FAF1: variants seen among roughly 807,000 people sequenced by gnomAD.
FAF1 encodes FAS-associated factor 1.
A neutral mutation model predicts 92.5 loss-of-function variants in FAF1; 25 were observed. That is an observed-to-expected ratio of 0.27 (90% CI 0.20 to 0.38). The LOEUF is 0.38. Among genes scored for constraint, FAF1 ranks in the 10% least tolerant of loss-of-function variants. The pLI is 1.00. For missense variants in FAF1, 636 were observed against 793.3 expected (o/e 0.80, Z 2.38); for synonymous variants, 234 against 273.2 (o/e 0.86, Z 1.42).
intron 2 of FAF1, among the ~76,000 whole-genome samples, chr1:50,815,283 C>A (rs919729378): frequency 5.3e-5 from 8 of 152,190 alleles, no homozygotes; most frequent in Middle Eastern, 3.4e-3. Context: ...TCTTTATGTC[C>A]CTGAGTACCC....
intron 6 of FAF1, among the ~76,000 whole-genome samples, chr1:50,715,613 G>A (rs893926899): frequency 6.6e-6 from 1 of 151,964 alleles, no homozygotes; most frequent in African/African-American, 2.4e-5. Flanking sequence ...TCTCTTCTTT[G>A]TCCACAAGTC....
rs74080093 is a variant in FAF1, at chr1:50,819,037, G to C, written c.115-17360C>G. Among the ~76,000 whole-genome samples the C allele has an allele frequency of 8.0e-3, 1,222 of 152,198 alleles. 14 individuals are homozygous for C. The highest frequency in any genetic ancestry group is 0.028 in the African/African-American group (1,180 of 41,512). On this transcript the variant is annotated intron_variant, in intron 2 of 18. Coordinates refer to ENST00000396153, the MANE Select transcript of FAF1 (RefSeq NM_007051.3). ...AGGTCAAGGGCAAAATTTTCTACTT[G>C]TGGCATCATGTTGGCATTCAAAAAG... is the stretch of plus-strand genomic sequence containing the variant.
At chr1:50,645,380 C>T (rs1030974897) in intron 8 of FAF1, among the ~76,000 whole-genome samples, 1 of 152,206 alleles carries the variant, frequency 6.6e-6, no homozygotes, top group Non-Finnish European at 1.5e-5. Context: ...TGAATGCCTA[C>T]TAAATGCCAG....
chr1:50,502,191 T>C (rs1572789792), intron 15 of FAF1, among the ~76,000 whole-genome samples: 1 of 152,154 alleles, frequency 6.6e-6, no homozygotes, highest in East Asian at 1.9e-4. Context: ...AGTTCTCTAA[T>C]AAAGACCAAC....
chr1:50,722,215 T>G (rs1346547080), intron 6 of FAF1, among the ~76,000 whole-genome samples: 1 of 152,184 alleles, frequency 6.6e-6, no homozygotes, highest in Non-Finnish European at 1.5e-5. Context: ...AAGCACTGTT[T>G]CTAGTTTACT....
At chr1:50,613,079 C>T (rs1441260104) in intron 8 of FAF1, among the ~76,000 whole-genome samples, 1 of 152,168 alleles carries the variant, frequency 6.6e-6, no homozygotes, top group African/African-American at 2.4e-5. Flanking sequence ...TATATGGGTA[C>T]TTTTCCTACT....
Position 50,951,149 on chromosome 1 carries a change from G to A in FAF1, c.45+8618C>T, listed in dbSNP as rs112445873. Among the ~76,000 whole-genome samples, 456 of 152,326 alleles carry A rather than the reference G, an allele frequency of 3.0e-3. 4 individuals carry two copies. The highest frequency in any genetic ancestry group is 0.01 in the African/African-American group (430 of 41,578). On this transcript the variant is annotated intron_variant, in intron 1 of 18. Coordinates refer to ENST00000396153, the MANE Select transcript of FAF1 (RefSeq NM_007051.3). ...CTCAGGAGGCTAAGGCAGGAGAACT[G>A]CCTGAACCGGGGAGATGGAGGTTGC... is the stretch of plus-strand genomic sequence containing the variant.
At chr1:50,949,882 C>G (rs1231098113) in intron 1 of FAF1, among the ~76,000 whole-genome samples, 1 of 151,624 alleles carries the variant, frequency 6.6e-6, no homozygotes, top group Non-Finnish European at 1.5e-5. Flanking sequence ...TTTTTCGAGA[C>G]AGGGTCTCTC....
At chr1:50,821,821 GGTTTTCA>G (rs1644045560) in intron 2 of FAF1, among the ~76,000 whole-genome samples, 1 of 151,832 alleles carries the variant, frequency 6.6e-6, no homozygotes, top group African/African-American at 2.4e-5. Flanking sequence ...AATCACAAAT[GGTTTTCA>G]ATCAAAATTT....
At chr1:50,511,351 C>A (rs1399827323) in intron 15 of FAF1, among the ~76,000 whole-genome samples, 1 of 152,048 alleles carries the variant, frequency 6.6e-6, no homozygotes, top group Non-Finnish European at 1.5e-5. Context: ...ACCCATCAAC[C>A]CGTCATCTAC....
At chr1:50,876,229 C>T (rs762866343) in intron 1 of FAF1, among the ~76,000 whole-genome samples, 2 of 152,116 alleles carry the variant, frequency 1.3e-5, no homozygotes, top group Non-Finnish European at 2.9e-5. Flanking sequence ...ACATTCCATA[C>T]AGAGAAAACA....
At chr1:50,636,188 G>C (rs1569638229) in intron 8 of FAF1, among the ~76,000 whole-genome samples, 2 of 152,128 alleles carry the variant, frequency 1.3e-5, no homozygotes, top group South Asian at 4.2e-4. Context: ...ACAGTAAAAT[G>C]CACCCATTTT....
chr1:50,670,012 T>C (rs999020669), intron 7 of FAF1, among the ~76,000 whole-genome samples: 2 of 151,780 alleles, frequency 1.3e-5, no homozygotes, highest in African/African-American at 2.4e-5. Context: ...TCCCAGCTAC[T>C]TGGGAGGCTG....
At chr1:50,692,241 CTGTGTGTGTG>C (rs59187392) in intron 7 of FAF1, among the ~76,000 whole-genome samples, 1,967 of 129,058 alleles carry the variant, frequency 0.015, 33 homozygotes, top group African/African-American at 0.043. Context: ...GAAGTATTTA[CTGTGTGTGTG>C]TGTGTGTGTG....
intron 5 of FAF1, among the ~76,000 whole-genome samples, chr1:50,739,411 C>T (rs536785485): frequency 6.6e-6 from 1 of 150,526 alleles, no homozygotes; most frequent in African/African-American, 2.4e-5. Flanking sequence ...TATGTGTATA[C>T]ATGTGAGTGT....
intron 8 of FAF1, among the ~76,000 whole-genome samples, chr1:50,615,774 G>A (rs999796756): frequency 2.6e-5 from 4 of 152,024 alleles, no homozygotes; most frequent in Admixed American, 6.6e-5. Context: ...GTTGGATGTA[G>A]AGTTTGAAAG....
At chr1:50,554,384 T>TAGAGAGAGAGAGAG (rs1470102231) in intron 13 of FAF1, among the ~76,000 whole-genome samples, 1 of 97,952 alleles carries the variant, frequency 1.0e-5, no homozygotes, top group Non-Finnish European at 2.1e-5. Flanking sequence ...TATATATATA[T>TAGAGAGAGAGAGAG]ATATATAGAG....
At chr1:50,842,524 T>TA (rs1364491387) in intron 2 of FAF1, among the ~76,000 whole-genome samples, 3 of 152,220 alleles carry the variant, frequency 2.0e-5, no homozygotes, top group Non-Finnish European at 4.4e-5. Context: ...AATTCTTGTC[T>TA]ACAAAGTCCT....
chr1:50,539,683 T>C lies in FAF1; in HGVS notation c.1314A>G (p.Gln438=), dbSNP rs774655162. The C allele has an allele frequency of 2.5e-6, 4 of 1,612,486 alleles. No individual in the cohort carries two copies. The South Asian group carries it at 4.4e-5, about 18-fold the overall frequency. ...CNRHFGSVVA[Q]TIRTQKTDQF... is the part of the protein sequence containing the mutation. ...GATCCGTTTTTTGAGTCCGAATGGT[T>C]TGTGCCACAACACTGCCAAAGTGTC... Residue 438 remains glutamine, a synonymous_variant, in exon 14 of 19, where the codon CAA becomes CAG. Coordinates refer to ENST00000396153, the MANE Select transcript of FAF1 (RefSeq NM_007051.3).
Sources: gnomAD v4.1 joint callset for allele counts (sites outside exome capture counted in the v4.1 genomes callset) on GRCh38, gnomAD v4.1.1 for gene constraint, MANE v1.5 for transcripts, NCBI Gene and HGNC (gene_info 2026-07-23, HGNC 2026-07-21) for gene names.